Variants in LYRM4 observed in about 807,000 individuals in gnomAD.
LYRM4 encodes the protein LYR motif-containing protein 4.
LYRM4 carries 9 observed loss-of-function variants against 11.7 expected under a neutral mutation model. That is an observed-to-expected ratio of 0.77 (90% CI 0.46 to 1.34). LYRM4 has a LOEUF of 1.34. Among genes scored for constraint, LYRM4 ranks in the 40% most tolerant of loss-of-function variants. The probability of loss-of-function intolerance (pLI) is 0.00; values close to 1 mark genes in which losing one functional copy is unlikely to be tolerated. For missense variants in LYRM4, 133 were observed against 112.5 expected, an observed-to-expected ratio of 1.18 and a Z score of -0.82; for synonymous variants, 42 against 40.4, an observed-to-expected ratio of 1.04 and a Z score of -0.15.
the LYRM4 span, among the ~76,000 whole-genome samples, chr6:5,045,081 G>A: frequency 6.6e-6 from 1 of 152,294 alleles, no homozygotes; most frequent in East Asian, 1.9e-4. Context: ...TCAACATCCG[G>A]TTGCCAATTG....
chr6:5,204,461 G>C (rs1490798707), intron 2 of LYRM4, among the ~76,000 whole-genome samples: 2 of 152,118 alleles, frequency 1.3e-5, no homozygotes, highest in African/African-American at 2.4e-5. Flanking sequence ...TGATGCCAAA[G>C]GGAAAGGGAA....
chr6:5,122,941 G>A (rs893633948), intron 2 of LYRM4, among the ~76,000 whole-genome samples: 2 of 152,196 alleles, frequency 1.3e-5, no homozygotes, highest in Admixed American at 1.3e-4. Context: ...GCTGCTACGC[G>A]ACATCCACGG....
the LYRM4 span, among the ~76,000 whole-genome samples, chr6:5,045,696 A>G: frequency 1.3e-5 from 2 of 152,202 alleles, no homozygotes; most frequent in Admixed American, 6.5e-5. Context: ...TTCTTTCATT[A>G]TAAAATTCCC....
At chr6:5,225,968 T>C (rs1485350182) in intron 1 of LYRM4, among the ~76,000 whole-genome samples, 1 of 152,226 alleles carries the variant, frequency 6.6e-6, no homozygotes, top group Non-Finnish European at 1.5e-5. Flanking sequence ...CCAGGTCTAT[T>C]TGTACTTCTG....
chr6:5,129,538 C>T (rs1763849486), intron 2 of LYRM4, among the ~76,000 whole-genome samples: 1 of 152,170 alleles, frequency 6.6e-6, no homozygotes, highest in Non-Finnish European at 1.5e-5. Context: ...GCAATCAAAC[C>T]TCCCTCTGCC....
At chr6:5,181,607 T>C (rs552557290) in intron 2 of LYRM4, among the ~76,000 whole-genome samples, 2 of 152,180 alleles carry the variant, frequency 1.3e-5, no homozygotes, top group African/African-American at 2.4e-5. Flanking sequence ...CCCTGCCTCC[T>C]GACCACGCCC....
At position 5,245,109 on chromosome 6, in the gene LYRM4, AAAAAATATATATATATAT is replaced by A. The variant is rs1764103361; in HGVS notation, c.86+15521_86+15538del. ...GACCTTAAAAAAAAAAAAAAAAAAA[AAAAAATATATATATATAT>A]ATATATATATATATATATATATATA... is the stretch of plus-strand genomic sequence containing the variant. On this transcript the variant is annotated intron_variant, in intron 1 of 2. Transcript: ENST00000330636. Among the ~76,000 whole-genome samples, 5 of 40,128 alleles carry A rather than the reference AAAAAATATATATATATAT, an allele frequency of 1.2e-4. 1 individual carries two copies. Among genetic ancestry groups the A allele is most frequent in the East Asian group, 1.1e-3 (2 of 1,832 alleles). The allele number at this position is 40,128 out of a possible 152,430, so 26.3% of individuals were successfully genotyped here.
At chr6:5,154,534 C>G in intron 2 of LYRM4, among the ~76,000 whole-genome samples, 1 of 152,154 alleles carries the variant, frequency 6.6e-6, no homozygotes. Flanking sequence ...AAGGCGGATT[C>G]GGCCGGGCGC....
intron 2 of LYRM4, among the ~76,000 whole-genome samples, chr6:5,171,792 CCT>C (rs1203803732): frequency 9.2e-5 from 14 of 152,264 alleles, no homozygotes; most frequent in South Asian, 2.1e-4. Context: ...TGAGATTTCC[CCT>C]GTTTTATCAA....
chr6:5,189,301 A>G (rs572707221), intron 2 of LYRM4, among the ~76,000 whole-genome samples: 1 of 151,392 alleles, frequency 6.6e-6, no homozygotes, highest in African/African-American at 2.4e-5. Context: ...GCCTAAGGTT[A>G]GTGGTGAGCC....
chr6:5,128,908 A>AT (rs1249050423), intron 2 of LYRM4, among the ~76,000 whole-genome samples: 3 of 152,270 alleles, frequency 2.0e-5, no homozygotes, highest in Non-Finnish European at 4.4e-5. Context: ...TTGGGCAGCC[A>AT]GTGCTTGGGC....
chr6:5,105,813 C>CA (rs1054222811), downstream of LYRM4: 4 of 154,216 alleles, frequency 2.6e-5, no homozygotes, highest in Non-Finnish European at 5.7e-5. Context: ...GACTCTGTCT[C>CA]AAAAAAACAA....
intron 1 of LYRM4, among the ~76,000 whole-genome samples, chr6:5,237,799 C>T (rs1352725691): frequency 6.6e-6 from 1 of 152,200 alleles, no homozygotes; most frequent in African/African-American, 2.4e-5. Flanking sequence ...TGCTACCAGC[C>T]AACGTGACAG....
chr6:5,160,877 A>C (rs75632438), intron 2 of LYRM4, among the ~76,000 whole-genome samples: 2,490 of 152,228 alleles, frequency 0.016, 69 homozygotes, highest in African/African-American at 0.057. Flanking sequence ...AAAGCTCCAA[A>C]TATGTGATGG....
the LYRM4 span, among the ~76,000 whole-genome samples, chr6:5,089,957 G>A: frequency 3.2e-3 from 488 of 151,352 alleles, 2 homozygotes; most frequent in African/African-American, 0.012. Context: ...TTATTTCAAA[G>A]GAAAGGGCAA....
chr6:5,193,712 G>A (rs2746225), intron 2 of LYRM4, among the ~76,000 whole-genome samples: 125,168 of 152,198 alleles, frequency 0.82, 52,027 homozygotes, highest in African/African-American at 0.95. Context: ...AAAGAAAGCA[G>A]GCCAGAGATC....
At chr6:5,224,173 A>G (rs1561882925) in intron 1 of LYRM4, among the ~76,000 whole-genome samples, 1 of 152,258 alleles carries the variant, frequency 6.6e-6, no homozygotes, top group African/African-American at 2.4e-5. Flanking sequence ...ATATCACAAA[A>G]TATTAATATC....
chr6:5,100,791 G>A (rs1229341662), downstream of LYRM4, among the ~76,000 whole-genome samples: 1 of 152,190 alleles, frequency 6.6e-6, no homozygotes, highest in Non-Finnish European at 1.5e-5. Flanking sequence ...TCTTATTTCA[G>A]TGAGGGGCAG....
At chr6:5,078,962 C>T in the LYRM4 span, among the ~76,000 whole-genome samples, 1 of 152,146 alleles carries the variant, frequency 6.6e-6, no homozygotes, top group African/African-American at 2.4e-5. Context: ...AATACTTTGG[C>T]ATATTATATA....
Sources: allele counts gnomAD v4.1 joint callset (sites outside exome capture counted in the v4.1 genomes callset), GRCh38; gene constraint gnomAD v4.1.1; transcripts MANE v1.5; gene names NCBI Gene and HGNC (gene_info 2026-07-23, HGNC 2026-07-21).